SOX6: variants seen among roughly 807,000 people sequenced by gnomAD.
The protein encoded by SOX6 is transcription factor SOX-6.
In SOX6, 11 loss-of-function variants were observed where a neutral mutation model predicts 97.8. That is an observed-to-expected ratio of 0.11 (90% CI 0.07 to 0.19). SOX6 has a LOEUF of 0.19. Among genes scored for constraint, SOX6 ranks in the 10% least tolerant of loss-of-function variants. The probability of loss-of-function intolerance (pLI) is 1.00; values close to 1 mark genes in which losing one functional copy is unlikely to be tolerated. For missense variants in SOX6, 810 were observed against 1,039.5 expected (o/e 0.78, Z 3.04); for synonymous variants, 360 against 371.4 (o/e 0.97, Z 0.35).
intron 4 of SOX6, among the ~76,000 whole-genome samples, chr11:16,611,674 A>G (rs1011288848): frequency 1.3e-5 from 2 of 152,236 alleles, no homozygotes; most frequent in African/African-American, 4.8e-5. Context: ...AAGAGGTCGG[A>G]ACTCGTGTTT....
chr11:16,090,491 AT>A lies in SOX6; in HGVS notation c.1101+5504del, dbSNP rs573913869. Reference sequence around the variant, plus strand: ...ATTAGGAATTGCCTTTATATTTGGCATCCTTCCCTAATCTACCTATATTTCT... The same window carrying A: ...ATTAGGAATTGCCTTTATATTTGGCACCTTCCCTAATCTACCTATATTTCT... On this transcript the variant is annotated intron_variant, in intron 9 of 15. Transcript: ENST00000683767. 1.4e-3 allele frequency among the ~76,000 whole-genome samples: 211 copies of A among 152,182 alleles called. 1 individual carries two copies. The highest frequency in any genetic ancestry group is 4.7e-3 in the African/African-American group (197 of 41,556).
intron 6 of SOX6, among the ~76,000 whole-genome samples, chr11:16,130,259 A>G (rs565883030): frequency 1.9e-3 from 293 of 152,112 alleles, no homozygotes; most frequent in Non-Finnish European, 3.4e-3. Context: ...GCTATGAAAC[A>G]TTATAAGGAT....
chr11:16,055,259 T>C (rs1179400848), intron 10 of SOX6, among the ~76,000 whole-genome samples: 1 of 152,128 alleles, frequency 6.6e-6, no homozygotes, highest in Non-Finnish European at 1.5e-5. Context: ...ATACTTTAAG[T>C]CCACATTTAT....
intron 7 of SOX6, among the ~76,000 whole-genome samples, chr11:16,106,232 C>T (rs1321678568): frequency 6.6e-6 from 1 of 151,888 alleles, no homozygotes; most frequent in Non-Finnish European, 1.5e-5. Flanking sequence ...TACAAGAGGT[C>T]CCAATAACTA....
chr11:16,108,165 A>G (rs1254563559), intron 7 of SOX6, among the ~76,000 whole-genome samples: 4 of 152,230 alleles, frequency 2.6e-5, no homozygotes. Flanking sequence ...TATGTAGCAC[A>G]GTATTTGGCA....
At chr11:16,234,461 T>C (rs1443466170) in intron 4 of SOX6, 121 bp downstream of exon 4, 5 of 645,570 alleles carry the variant, frequency 7.7e-6, no homozygotes, top group African/African-American at 3.7e-5. Context: ...CACCCTCTCA[T>C]GTACAATCAA....
At chr11:16,565,263 A>T (rs1288675466) in intron 4 of SOX6, among the ~76,000 whole-genome samples, 1 of 152,206 alleles carries the variant, frequency 6.6e-6, no homozygotes, top group Non-Finnish European at 1.5e-5. Flanking sequence ...ATATGAAATG[A>T]CATAGTTAAT....
chr11:16,415,160 G>C (rs975405066), intron 1 of SOX6, among the ~76,000 whole-genome samples: 2 of 152,074 alleles, frequency 1.3e-5, no homozygotes, highest in African/African-American at 4.8e-5. Context: ...TTGAATGTTT[G>C]ACAGCCTAGA....
At chr11:16,393,415 T>A (rs33932357) in intron 1 of SOX6, among the ~76,000 whole-genome samples, 17 of 75,264 alleles carry the variant, frequency 2.3e-4, no homozygotes, top group Middle Eastern at 9.6e-3. Flanking sequence ...TCAAAAAAAA[T>A]ATCCCTCTAC....
At chr11:16,361,075 T>G (rs565376912), upstream of SOX6, among the ~76,000 whole-genome samples, 1 of 152,200 alleles carries the variant, frequency 6.6e-6, no homozygotes, top group Admixed American at 6.5e-5. Flanking sequence ...CCTGTATGTA[T>G]GGAGACTTTA....
In SOX6 at chr11:16,107,937, AC is replaced by A. The variant is rs1849137256; in HGVS notation, c.898+3865del. ...TTCCAATGGATAAGGATGTAGTTTA[AC>A]AGGCTAAAGTTACTCAGTTTCACCG... On this transcript the variant is annotated intron_variant, in intron 7 of 15. Coordinates refer to ENST00000683767, the MANE Select transcript of SOX6 (RefSeq NM_001367873.1). 2.6e-5 allele frequency among the ~76,000 whole-genome samples: 4 copies of A among 152,266 alleles called. No homozygotes were observed. The South Asian group carries it at 8.3e-4, about 32-fold the overall frequency.
chr11:16,076,496 T>C (rs1288713870), intron 9 of SOX6, among the ~76,000 whole-genome samples: 1 of 151,520 alleles, frequency 6.6e-6, no homozygotes, highest in African/African-American at 2.4e-5. Context: ...CCAATAAGCA[T>C]GTAACAAAAG....
At chr11:16,583,561 T>C (rs1848050163) in intron 4 of SOX6, among the ~76,000 whole-genome samples, 1 of 136,610 alleles carries the variant, frequency 7.3e-6, no homozygotes, top group Non-Finnish European at 1.6e-5. Flanking sequence ...TTTTTATGGA[T>C]GAATAATATT....
intron 3 of SOX6, among the ~76,000 whole-genome samples, chr11:16,240,481 A>G (rs1301602548): frequency 2.0e-5 from 3 of 151,966 alleles, no homozygotes; most frequent in African/African-American, 7.2e-5. Context: ...TTATCTGCCA[A>G]ATTCTTAGAT....
At chr11:16,628,324 C>T (rs1848652546) in intron 3 of SOX6, among the ~76,000 whole-genome samples, 1 of 151,836 alleles carries the variant, frequency 6.6e-6, no homozygotes, top group African/African-American at 2.4e-5. Context: ...TTTCTAGTTC[C>T]GTGAAAAATG....
At chr11:16,525,732 A>G (rs1252524009) in intron 4 of SOX6, among the ~76,000 whole-genome samples, 1 of 151,974 alleles carries the variant, frequency 6.6e-6, no homozygotes, top group Non-Finnish European at 1.5e-5. Context: ...CAACCTACTC[A>G]TCTGACAAAG....
At chr11:16,103,425 G>A (rs575282617) in intron 7 of SOX6, among the ~76,000 whole-genome samples, 29 of 151,924 alleles carry the variant, frequency 1.9e-4, no homozygotes, top group African/African-American at 7.0e-4. Context: ...TGTTGGGAAT[G>A]TAAACTAGTA....
intron 9 of SOX6, among the ~76,000 whole-genome samples, chr11:16,073,077 A>C (rs1388902930): frequency 1.3e-5 from 2 of 152,202 alleles, no homozygotes; most frequent in South Asian, 2.1e-4. Flanking sequence ...TGATGATGGG[A>C]TCAAACCTGC....
chr11:16,706,449 CAAAAA>C (rs71047512), intron 3 of SOX6, among the ~76,000 whole-genome samples: 25 of 2,450 alleles, frequency 0.01, no homozygotes, highest in African/African-American at 0.018. Context: ...GAACCTATCA[CAAAAA>C]AAAAAAAAAA....
Sources: gnomAD v4.1 joint callset for allele counts (sites outside exome capture counted in the v4.1 genomes callset) on GRCh38, gnomAD v4.1.1 for gene constraint, MANE v1.5 for transcripts, NCBI Gene and HGNC (gene_info 2026-07-23, HGNC 2026-07-21) for gene names.